Variants in THSD7A observed in about 807,000 individuals in gnomAD.
THSD7A encodes thrombospondin type-1 domain-containing protein 7A.
Under a neutral mutation model 231.3 loss-of-function variants are expected in THSD7A, and 96 were observed. The observed-to-expected ratio is 0.41, with a 90% confidence interval of 0.35 to 0.49. The LOEUF is 0.49. Among genes scored for constraint, THSD7A ranks in the 20% least tolerant of loss-of-function variants. The probability of loss-of-function intolerance (pLI) is 0.05; values close to 1 mark genes in which losing one functional copy is unlikely to be tolerated. For missense variants in THSD7A, 2,290 were observed against 2,070.2 expected (o/e 1.11, Z -2.06); for synonymous variants, 940 against 743.3 (o/e 1.26, Z -4.30).
At chr7:11,550,379 G>A (rs1789576708) in intron 4 of THSD7A, among the ~76,000 whole-genome samples, 1 of 152,030 alleles carries the variant, frequency 6.6e-6, no homozygotes, top group African/African-American at 2.4e-5. Context: ...CTTGAATAGT[G>A]ACATGGTTTT....
intron 13 of THSD7A, among the ~76,000 whole-genome samples, chr7:11,442,931 G>T (rs1191490188): frequency 6.6e-6 from 1 of 151,990 alleles, no homozygotes; most frequent in East Asian, 1.9e-4. Context: ...CCTTTCTCTA[G>T]AATACAGTAC....
rs534311383 is a variant in THSD7A, at chr7:11,389,843, A to G, written c.4412-7227T>C. Among the ~76,000 whole-genome samples the G allele has an allele frequency of 8.5e-5, 13 of 152,226 alleles. No homozygotes were observed. In the East Asian group the frequency reaches 2.3e-3, roughly 27 times the overall value. On this transcript the variant is annotated intron_variant, in intron 23 of 27. Transcript: ENST00000423059. ...AATCTCTCAGCATTTGCTTGTCTGT[A>G]AAGAATTTTATTTCTCTTTCACTTA...
At chr7:11,543,638 C>T (rs138413180) in intron 4 of THSD7A, among the ~76,000 whole-genome samples, 25 of 152,290 alleles carry the variant, frequency 1.6e-4, no homozygotes, top group African/African-American at 5.5e-4. Context: ...GGGCTACTCT[C>T]TGTACCCCCC....
At chr7:11,609,294 T>C (rs1056050367) in intron 2 of THSD7A, among the ~76,000 whole-genome samples, 1 of 152,104 alleles carries the variant, frequency 6.6e-6, no homozygotes, top group Non-Finnish European at 1.5e-5. Flanking sequence ...GATCCCTCCC[T>C]TTCCCTTTCA....
intron 1 of THSD7A, among the ~76,000 whole-genome samples, chr7:11,652,253 A>T (rs541591599): frequency 1.1e-4 from 16 of 152,068 alleles, no homozygotes; most frequent in Admixed American, 6.6e-4. Flanking sequence ...AAAAAAAGAG[A>T]GGAAAAAATG....
intron 6 of THSD7A, among the ~76,000 whole-genome samples, chr7:11,527,940 C>T (rs1788546933): frequency 6.6e-6 from 1 of 152,012 alleles, no homozygotes; most frequent in Non-Finnish European, 1.5e-5. Context: ...ATTGGTTGAT[C>T]CCAGGAGTTA....
At chr7:11,422,598 C>CAAAAAA (rs5882308) in intron 16 of THSD7A, among the ~76,000 whole-genome samples, 19 of 97,842 alleles carry the variant, frequency 1.9e-4, no homozygotes, top group East Asian at 3.5e-4. Context: ...ATTTACAAAG[C>CAAAAAA]AAAAAAAAAA....
chr7:11,649,736 C>T (rs779850491), intron 1 of THSD7A, among the ~76,000 whole-genome samples: 4 of 151,962 alleles, frequency 2.6e-5, no homozygotes, highest in African/African-American at 4.8e-5. Flanking sequence ...ATACTGTCAC[C>T]TATAATAATG....
chr7:11,563,262 A>G (rs1230643598), intron 4 of THSD7A, among the ~76,000 whole-genome samples: 1 of 152,336 alleles, frequency 6.6e-6, no homozygotes, highest in East Asian at 1.9e-4. Flanking sequence ...ATTTTGAGCC[A>G]TATTTAAAAT....
At chr7:11,782,459 T>C (rs1783664351) in intron 1 of THSD7A, among the ~76,000 whole-genome samples, 1 of 152,174 alleles carries the variant, frequency 6.6e-6, no homozygotes, top group African/African-American at 2.4e-5. Context: ...TCTTTCTCAG[T>C]AATTCTAGTA....
chr7:11,579,700 C>G (rs1791074482), intron 4 of THSD7A, among the ~76,000 whole-genome samples: 1 of 152,112 alleles, frequency 6.6e-6, no homozygotes. Context: ...ATTTAGAGCT[C>G]AGGGATCTAA....
chr7:11,788,031 A>C (rs1453971642), intron 1 of THSD7A, among the ~76,000 whole-genome samples: 1 of 151,796 alleles, frequency 6.6e-6, no homozygotes, highest in African/African-American at 2.4e-5. Context: ...AACCCAACTC[A>C]CCATCTTGGC....
At chr7:11,491,356 C>T (rs1194536266) in intron 6 of THSD7A, among the ~76,000 whole-genome samples, 1 of 152,006 alleles carries the variant, frequency 6.6e-6, no homozygotes, top group Non-Finnish European at 1.5e-5. Flanking sequence ...CAATATTTAG[C>T]TCACAGTGAT....
Position 11,432,623 on chromosome 7 carries a change from C to T in THSD7A, c.3065-3498G>A, listed in dbSNP as rs760832462. On this transcript the variant is annotated intron_variant, in intron 13 of 27. Coordinates refer to ENST00000423059, the MANE Select transcript of THSD7A (RefSeq NM_015204.3). ...TACATTGTGATATGCGTTTTATCTACGTTGGTGCATATTGCTGAATATTGT... is the reference window on the plus strand; with the variant it reads ...TACATTGTGATATGCGTTTTATCTATGTTGGTGCATATTGCTGAATATTGT... 1.3e-4 allele frequency among the ~76,000 whole-genome samples: 20 copies of T among 151,996 alleles called. No homozygotes were observed. The South Asian group carries it at 2.3e-3, about 17-fold the overall frequency.
intron 1 of THSD7A, among the ~76,000 whole-genome samples, chr7:11,756,554 T>C (rs1782683464): frequency 6.6e-6 from 1 of 151,998 alleles, no homozygotes; most frequent in Non-Finnish European, 1.5e-5. Flanking sequence ...CAAGAAAGGC[T>C]TTAGTAAAAT....
chr7:11,542,987 G>A lies in THSD7A; in HGVS notation c.1584C>T (p.Asn528=), dbSNP rs1190147672. The change falls in exon 5 of 28, where the codon AAC becomes AAT. Residue 528 remains asparagine, a synonymous_variant. Transcript: ENST00000423059. ...WSAWGPCTYE[N]CNDQQGKKGF... ...CTTTTTTCCCTTGCTGATCATTACAGTTTTCATAAGTACAAGGTCCCCAAG... is the reference window on the plus strand; with the variant it reads ...CTTTTTTCCCTTGCTGATCATTACAATTTTCATAAGTACAAGGTCCCCAAG... 7 of 1,613,592 alleles carry A rather than the reference G, an allele frequency of 4.3e-6. No individual in the cohort carries two copies. The highest frequency in any genetic ancestry group is 1.3e-5 in the African/African-American group (1 of 74,904).
At chr7:11,747,410 G>T (rs893574144) in intron 1 of THSD7A, among the ~76,000 whole-genome samples, 1 of 151,920 alleles carries the variant, frequency 6.6e-6, no homozygotes, top group Non-Finnish European at 1.5e-5. Context: ...TGAAAATAAA[G>T]TGAATTTGAG....
In THSD7A at chr7:11,411,752, T is replaced by C. The variant is rs1476566; in HGVS notation, c.3683-430A>G. 0.43 allele frequency among the ~76,000 whole-genome samples: 65,455 copies of C among 151,962 alleles called. 14,884 individuals are homozygous for C. Among genetic ancestry groups the C allele is most frequent in the African/African-American group, 0.58 (24,171 of 41,422 alleles). Reference sequence around the variant, plus strand: ...TCAGATAAAACATACATTTTATTTCTTATCCATATTTAGAATGCAAGAAAA... The same window carrying C: ...TCAGATAAAACATACATTTTATTTCCTATCCATATTTAGAATGCAAGAAAA... On this transcript the variant is annotated intron_variant, in intron 18 of 27. Coordinates refer to ENST00000423059, the MANE Select transcript of THSD7A (RefSeq NM_015204.3). This position sits in a 1 kb window ranked among gnomAD's most constrained non-coding sequence, Gnocchi z 4.1.
intron 1 of THSD7A, among the ~76,000 whole-genome samples, chr7:11,772,413 A>G (rs953046234): frequency 1.5e-4 from 23 of 152,314 alleles, no homozygotes; most frequent in African/African-American, 5.3e-4. Flanking sequence ...CTAAAAAGAC[A>G]CATGCACCCA....
Sources: gnomAD v4.1 joint callset for allele counts (sites outside exome capture counted in the v4.1 genomes callset) on GRCh38, gnomAD v4.1.1 for gene constraint, Gnocchi (gnomAD v3.1) non-coding constraint, MANE v1.5 for transcripts, NCBI Gene and HGNC (gene_info 2026-07-23, HGNC 2026-07-21) for gene names.